Variants in AP2B1 observed in about 807,000 individuals in gnomAD.
AP2B1 encodes AP-2 complex subunit beta.
In AP2B1, 23 loss-of-function variants were observed where a neutral mutation model predicts 102.0. The ratio of observed to expected loss-of-function variants is 0.23; its 90% CI spans 0.16 to 0.32. The LOEUF (loss-of-function observed/expected upper bound fraction) is 0.32. Ranked by LOEUF, AP2B1 falls within the 10% of genes least tolerant of loss-of-function variation. AP2B1 has a pLI of 1.00. For missense variants in AP2B1, 541 were observed against 1,157.4 expected (o/e 0.47, Z 7.73); for synonymous variants, 381 against 421.2 (o/e 0.90, Z 1.17).
At chr17:35,595,720 C>T (rs1263683791) in intron 2 of AP2B1, among the ~76,000 whole-genome samples, 2 of 151,968 alleles carry the variant, frequency 1.3e-5, no homozygotes, top group East Asian at 3.9e-4. Context: ...CTTTTAGTAC[C>T]CCTCTTTGGT....
Position 35,608,165 on chromosome 17 carries a change from G to A in AP2B1, c.303G>A (p.Leu101=). ...FVKDCEDPNP[L]IRALAVRTMG... ...AGGACTGTGAAGATCCTAATCCTTTGATTCGAGCCTTGGCAGTCAGAACCA... is the reference window on the plus strand; with the variant it reads ...AGGACTGTGAAGATCCTAATCCTTTAATTCGAGCCTTGGCAGTCAGAACCA... The change falls in exon 5 of 22, where the codon TTG becomes TTA. Residue 101 remains leucine (L), a synonymous_variant. Transcript: ENST00000610402. 1 of 1,613,502 alleles carries A rather than the reference G, an allele frequency of 6.2e-7. No individual in the cohort carries two copies. Among genetic ancestry groups the A allele is most frequent in the Non-Finnish European group, 8.5e-7 (1 of 1,180,026 alleles).
chr17:35,597,145 C>G lies in AP2B1; in HGVS notation c.38-1085C>G, dbSNP rs114695338. ...GAAGCGGAGACTGTCCCCACTGTTT[C>G]TATGCTGGTAAATGAGATCTGGTTG... On this transcript the variant is annotated intron_variant, in intron 2 of 21. Transcript: ENST00000610402. The G allele has an allele frequency of 3.6e-3, 1,765 of 491,254 alleles. 15 individuals are homozygous for G. Among genetic ancestry groups the G allele is most frequent in the African/African-American group, 0.025 (1,255 of 50,280 alleles). The allele number at this position is 491,254 out of a possible 1,614,324, so 30.4% of individuals were successfully genotyped here.
chr17:35,693,814 A>C lies in AP2B1; in HGVS notation c.2454+10990A>C, dbSNP rs184203422. Among the ~76,000 whole-genome samples the C allele has an allele frequency of 2.6e-5, 4 of 152,272 alleles. No homozygotes were observed. The East Asian group carries it at 5.8e-4, about 22-fold the overall frequency. ...TCCTGACAGTAATATGTATATGTATATGACCTTCTTCCCCAGTGGAACTAC... is the reference window on the plus strand; with the variant it reads ...TCCTGACAGTAATATGTATATGTATCTGACCTTCTTCCCCAGTGGAACTAC... On this transcript the variant is annotated intron_variant, in intron 18 of 21. Coordinates refer to ENST00000610402, the MANE Select transcript of AP2B1 (RefSeq NM_001030006.2).
intron 14 of AP2B1, among the ~76,000 whole-genome samples, chr17:35,662,560 G>T (rs2075382387): frequency 7.0e-6 from 1 of 142,364 alleles, no homozygotes; most frequent in African/African-American, 2.6e-5. Context: ...TTATGACTCT[G>T]GTACTTAATC....
intron 2 of AP2B1, among the ~76,000 whole-genome samples, chr17:35,595,713 T>A (rs2073247314): frequency 6.6e-6 from 1 of 152,180 alleles, no homozygotes; most frequent in African/African-American, 2.4e-5. Context: ...TTTGCCTCTT[T>A]TAGTACCCCT....
intron 13 of AP2B1, among the ~76,000 whole-genome samples, chr17:35,656,410 G>C (rs1044380774): frequency 2.0e-5 from 3 of 152,076 alleles, no homozygotes; most frequent in Non-Finnish European, 4.4e-5. Context: ...ATTGCCTGTT[G>C]AGTTGTTGTT....
At chr17:35,636,026 G>T (rs181095559) in intron 9 of AP2B1, among the ~76,000 whole-genome samples, 1 of 151,362 alleles carries the variant, frequency 6.6e-6, no homozygotes, top group Admixed American at 6.6e-5. Flanking sequence ...AAAGCAGTAC[G>T]GTTGAGATGA....
At chr17:35,691,355 C>G (rs1169151214) in intron 18 of AP2B1, among the ~76,000 whole-genome samples, 1 of 152,204 alleles carries the variant, frequency 6.6e-6, no homozygotes, top group Non-Finnish European at 1.5e-5. Flanking sequence ...TATTTCATGT[C>G]TTGCATATGT....
chr17:35,635,455 G>A (rs1257588533), intron 9 of AP2B1, among the ~76,000 whole-genome samples: 1 of 152,084 alleles, frequency 6.6e-6, no homozygotes, highest in Non-Finnish European at 1.5e-5. Context: ...TGTGATCTCG[G>A]CTAACTACAA....
At chr17:35,622,222 AAAAT>A (rs1161819648) in intron 5 of AP2B1, among the ~76,000 whole-genome samples, 5 of 152,238 alleles carry the variant, frequency 3.3e-5, no homozygotes, top group Admixed American at 6.5e-5. Flanking sequence ...TAACAAGTAT[AAAAT>A]AGTATATCTG....
At chr17:35,632,881 C>T (rs1409441135) in intron 9 of AP2B1, among the ~76,000 whole-genome samples, 1 of 151,700 alleles carries the variant, frequency 6.6e-6, no homozygotes, top group Non-Finnish European at 1.5e-5. Flanking sequence ...TAATTCAATG[C>T]TTACAGTGGC....
intron 18 of AP2B1, among the ~76,000 whole-genome samples, chr17:35,694,957 C>T (rs1481005061): frequency 6.6e-6 from 1 of 152,022 alleles, no homozygotes; most frequent in East Asian, 1.9e-4. Flanking sequence ...GTGCCTCTGC[C>T]CCCCTCTTCC....
At chr17:35,707,824 T>G (rs750047471) in intron 18 of AP2B1, among the ~76,000 whole-genome samples, 1 of 152,222 alleles carries the variant, frequency 6.6e-6, no homozygotes, top group African/African-American at 2.4e-5. Context: ...ATTCCCCAGA[T>G]TCAAGCTTTT....
chr17:35,658,284 T>TG (rs1186879009), intron 14 of AP2B1, among the ~76,000 whole-genome samples: 1 of 149,120 alleles, frequency 6.7e-6, no homozygotes. Context: ...TTCTTCTTCT[T>TG]TTTTTTTTTT....
rs185019727 is a variant in AP2B1, at chr17:35,682,543, C to T, written c.2325-152C>T. On this transcript the variant is annotated intron_variant, in intron 17 of 21. Transcript: ENST00000610402. ...ATTTTTAGTAGAGACAGGGTTTCAC[C>T]ATGTTGGCCAGGCTGGTTTTGAACT... 8.2e-4 allele frequency: 439 copies of T among 532,970 alleles called. 1 individual carries two copies. The highest frequency in any genetic ancestry group is 7.7e-3 in the African/African-American group (391 of 50,814). The allele number at this position is 532,970 out of a possible 1,614,324, so 33.0% of individuals were successfully genotyped here. A position where few individuals can be genotyped will look rare whatever the true frequency, so the allele number is the denominator to read the frequency against.
intron 14 of AP2B1, among the ~76,000 whole-genome samples, chr17:35,665,096 A>G (rs368211323): frequency 6.8e-6 from 1 of 146,158 alleles, no homozygotes; most frequent in Admixed American, 6.8e-5. Flanking sequence ...CAATTTGATT[A>G]ATTATATTTT....
intron 3 of AP2B1, among the ~76,000 whole-genome samples, 195 bp downstream of exon 3, chr17:35,598,530 T>C (rs991060215): frequency 6.6e-6 from 1 of 152,094 alleles, no homozygotes; most frequent in Admixed American, 6.6e-5. Context: ...TGTTATGGGG[T>C]GTGTGTGTGT....
rs554354299 is a variant in AP2B1 at position 35,672,792 on chromosome 17, A to G, written c.2178+892A>G. Among the ~76,000 whole-genome samples, 55 of 152,364 alleles carry G rather than the reference A, an allele frequency of 3.6e-4. 1 individual carries two copies. Among genetic ancestry groups the G allele is most frequent in the Non-Finnish European group, 6.6e-4 (45 of 68,024 alleles). On this transcript the variant is annotated intron_variant, in intron 16 of 21. Coordinates refer to ENST00000610402, the MANE Select transcript of AP2B1 (RefSeq NM_001030006.2). ...TGCACTCATTTACTAACATAAAAGT[A>G]TTGTATACAAATGACCAACGTAAAT...
intron 20 of AP2B1, among the ~76,000 whole-genome samples, chr17:35,716,332 A>G (rs1030291249): frequency 1.2e-4 from 19 of 152,250 alleles, no homozygotes; most frequent in African/African-American, 4.6e-4. Flanking sequence ...AACATCTCAT[A>G]AAGAGAGAAA....
Sources: gnomAD v4.1 joint callset for allele counts (sites outside exome capture counted in the v4.1 genomes callset) on GRCh38, gnomAD v4.1.1 for gene constraint, MANE v1.5 for transcripts, NCBI Gene and HGNC (gene_info 2026-07-23, HGNC 2026-07-21) for gene names.